Variants in HS3ST5 observed in about 807,000 individuals in gnomAD.
HS3ST5 encodes heparan sulfate-glucosamine 3-sulfotransferase 5, also known as heparan sulfate glucosamine 3-O-sulfotransferase 5.
A neutral mutation model predicts 25.4 loss-of-function variants in HS3ST5; 10 were observed. The observed-to-expected ratio is 0.39, with a 90% CI of 0.24 to 0.67. The LOEUF (loss-of-function observed/expected upper bound fraction) is 0.67. Ranked by LOEUF, HS3ST5 falls within the 30% of genes least tolerant of loss-of-function variation. The pLI is 0.44. For missense variants in HS3ST5, 324 were observed against 420.7 expected, an observed-to-expected ratio of 0.77 and a Z score of 2.01; for synonymous variants, 170 against 162.4, an observed-to-expected ratio of 1.05 and a Z score of -0.36.
chr6:114,261,770 G>A (rs1416605388), intron 1 of HS3ST5, among the ~76,000 whole-genome samples: 3 of 152,100 alleles, frequency 2.0e-5, no homozygotes, highest in Non-Finnish European at 4.4e-5. Context: ...GCTTCAGAAG[G>A]ACAAAGCCTC....
chr6:114,063,000 C>T (rs1773223521), intron 3 of HS3ST5, 123 bp from the exon 4 acceptor site: 1 of 578,844 alleles, frequency 1.7e-6, no homozygotes, highest in Non-Finnish European at 3.1e-6. Flanking sequence ...CATACCAACT[C>T]TCACAAGTGT....
chr6:114,310,206 C>T (rs567278152), intron 1 of HS3ST5, among the ~76,000 whole-genome samples: 11 of 152,236 alleles, frequency 7.2e-5, no homozygotes, highest in African/African-American at 2.4e-4. Flanking sequence ...GTTATAGTCC[C>T]GAGTAGGTGG....
chr6:114,333,074 A>G (rs549739028), intron 1 of HS3ST5, among the ~76,000 whole-genome samples: 1 of 152,300 alleles, frequency 6.6e-6, no homozygotes, highest in Admixed American at 6.5e-5. Flanking sequence ...GTCAGAAAAA[A>G]AATCAAGCAT....
intron 3 of HS3ST5, among the ~76,000 whole-genome samples, chr6:114,127,724 A>G (rs1307704779): frequency 1.3e-5 from 2 of 152,164 alleles, no homozygotes; most frequent in African/African-American, 4.8e-5. Flanking sequence ...TAATCTATAC[A>G]TACAAATGAA....
intron 2 of HS3ST5, among the ~76,000 whole-genome samples, chr6:114,186,113 C>T (rs1450202966): frequency 2.0e-4 from 31 of 152,018 alleles, no homozygotes; most frequent in Non-Finnish European, 1.5e-5. Context: ...CCCTATTCTG[C>T]GAGACACATT....
At chr6:114,175,694 T>C (rs930233644) in intron 2 of HS3ST5, among the ~76,000 whole-genome samples, 1 of 152,148 alleles carries the variant, frequency 6.6e-6, no homozygotes, top group Non-Finnish European at 1.5e-5. Context: ...ATTTTAATAA[T>C]TGCCACAGCA....
At chr6:114,218,850 AATTT>A (rs1781894390) in intron 2 of HS3ST5, among the ~76,000 whole-genome samples, 1 of 152,148 alleles carries the variant, frequency 6.6e-6, no homozygotes, top group Non-Finnish European at 1.5e-5. Context: ...GCACACACTG[AATTT>A]ATTTAGATAT....
At chr6:114,090,839 A>G (rs1775084025) in intron 3 of HS3ST5, among the ~76,000 whole-genome samples, 1 of 152,208 alleles carries the variant, frequency 6.6e-6, no homozygotes, top group Admixed American at 6.5e-5. Flanking sequence ...GGTGACGTGA[A>G]TTTTGCTGCA....
intron 1 of HS3ST5, among the ~76,000 whole-genome samples, chr6:114,294,108 T>G (rs956111946): frequency 6.6e-6 from 1 of 152,168 alleles, no homozygotes; most frequent in Non-Finnish European, 1.5e-5. Context: ...GAGAAACACT[T>G]AAGGAGAAGC....
intron 1 of HS3ST5, among the ~76,000 whole-genome samples, chr6:114,239,654 G>T (rs1772012575): frequency 6.6e-6 from 1 of 152,124 alleles, no homozygotes; most frequent in Non-Finnish European, 1.5e-5. Context: ...GCAGTTGGAT[G>T]CAGTTGGCCT....
At chr6:114,140,095 T>C (rs1777828256) in intron 3 of HS3ST5, among the ~76,000 whole-genome samples, 1 of 152,236 alleles carries the variant, frequency 6.6e-6, no homozygotes, top group Admixed American at 6.5e-5. Flanking sequence ...CTGAACTACC[T>C]GAGGAAAGAG....
At chr6:114,110,651 A>AT in intron 3 of HS3ST5, among the ~76,000 whole-genome samples, 1 of 152,300 alleles carries the variant, frequency 6.6e-6, no homozygotes, top group South Asian at 2.1e-4. Context: ...TTTATAGGAT[A>AT]TTTAGAAAAT....
intron 2 of HS3ST5, among the ~76,000 whole-genome samples, chr6:114,224,699 TACAC>T (rs71272382): frequency 6.9e-6 from 1 of 144,334 alleles, no homozygotes; most frequent in Non-Finnish European, 1.5e-5. Flanking sequence ...TATATATATA[TACAC>T]ACACACACAC....
chr6:114,162,274 C>T (rs1354607861), intron 3 of HS3ST5, among the ~76,000 whole-genome samples: 1 of 152,156 alleles, frequency 6.6e-6, no homozygotes, highest in East Asian at 1.9e-4. Flanking sequence ...GAACTCCATA[C>T]ATTTTATAAA....
At chr6:114,216,237 C>A (rs1321862539) in intron 2 of HS3ST5, among the ~76,000 whole-genome samples, 1 of 152,188 alleles carries the variant, frequency 6.6e-6, no homozygotes, top group East Asian at 1.9e-4. Context: ...ACTGGCTAGA[C>A]CCTGGAGTAA....
intron 1 of HS3ST5, among the ~76,000 whole-genome samples, chr6:114,281,161 C>T (rs1774091194): frequency 6.6e-6 from 1 of 151,980 alleles, no homozygotes; most frequent in Non-Finnish European, 1.5e-5. Flanking sequence ...ATCTCTGATC[C>T]CTTCCAATGT....
chr6:114,144,089 G>A (rs1295570643), intron 3 of HS3ST5, among the ~76,000 whole-genome samples: 8 of 152,166 alleles, frequency 5.3e-5, no homozygotes, highest in African/African-American at 1.2e-4. Flanking sequence ...TGTAAATGCA[G>A]TCCCAGAGTT....
At chr6:114,200,481 G>A (rs191023381) in intron 2 of HS3ST5, among the ~76,000 whole-genome samples, 3 of 152,310 alleles carry the variant, frequency 2.0e-5, no homozygotes, top group East Asian at 1.9e-4. Context: ...CCTGTAACGA[G>A]CATCACATTT....
intron 2 of HS3ST5, among the ~76,000 whole-genome samples, chr6:114,216,424 C>G (rs1781766000): frequency 6.6e-6 from 1 of 152,122 alleles, no homozygotes; most frequent in Non-Finnish European, 1.5e-5. Flanking sequence ...AAATAGTAAA[C>G]AAAGCTTCAT....
Sources: allele counts gnomAD v4.1 joint callset (sites outside exome capture counted in the v4.1 genomes callset), GRCh38; gene constraint gnomAD v4.1.1; transcripts MANE v1.5; gene names NCBI Gene and HGNC (gene_info 2026-07-23, HGNC 2026-07-21).